The following ADTRP variants were observed in gnomAD, a reference collection of about 807,000 sequenced individuals.
ADTRP encodes androgen-dependent TFPI-regulating protein.
In ADTRP, 20 loss-of-function variants were observed where a neutral mutation model predicts 27.0. The ratio of observed to expected loss-of-function variants is 0.74; its 90% CI spans 0.52 to 1.08. ADTRP has a LOEUF of 1.08. ADTRP is among the 50% of genes least tolerant of loss of function. The probability of loss-of-function intolerance (pLI) is 0.00; values close to 1 mark genes in which losing one functional copy is unlikely to be tolerated. For synonymous variants in ADTRP, 101 were observed against 105.2 expected (o/e 0.96, Z 0.25); for missense variants, 251 against 275.0 (o/e 0.91, Z 0.62).
At chr6:11,716,944 T>C (rs889264271) in intron 5 of ADTRP, among the ~76,000 whole-genome samples, 1 of 150,760 alleles carries the variant, frequency 6.6e-6, no homozygotes, top group Non-Finnish European at 1.5e-5. Context: ...CAGGCTTCTC[T>C]TGAACTCCTG....
At chr6:11,769,997 C>G in intron 1 of ADTRP, 1 of 1,550,542 alleles carries the variant, frequency 6.4e-7, no homozygotes, top group Non-Finnish European at 8.7e-7. Context: ...TAGACTCCCC[C>G]GCCCACCACC....
At chr6:11,729,787 A>G (rs1183262061) in intron 4 of ADTRP, among the ~76,000 whole-genome samples, 1 of 152,232 alleles carries the variant, frequency 6.6e-6, no homozygotes, top group African/African-American at 2.4e-5. Context: ...AGACCTAGAT[A>G]TGGGATATTA....
rs1046253377 is a variant in ADTRP, at chr6:11,723,434, C to A, written c.573G>T (p.Leu191Phe). Reference protein sequence around the residue: ...VYPVFAKLSLLGLAAFFSLSY... With the variant: ...VYPVFAKLSLFGLAAFFSLSY... ...TGAGAGAGAAGAAAGCTGCTAGACC[C>A]AAGAGGCTGAGTTTGGCAAACACAG... The change falls in exon 5 of 6, where the codon TTG becomes TTT. Residue 191 changes from leucine (L) to phenylalanine (F), a missense_variant. Physicochemically the swap from Leu to Phe is conservative, Grantham distance 22. Transcript: ENST00000414691. 1 of 1,614,076 alleles carries A rather than the reference C, an allele frequency of 6.2e-7. No homozygotes were observed. The highest frequency in any genetic ancestry group is 1.1e-5 in the South Asian group (1 of 91,072).
At chr6:11,774,780 G>A (rs1763899291) in intron 1 of ADTRP, among the ~76,000 whole-genome samples, 1 of 152,216 alleles carries the variant, frequency 6.6e-6, no homozygotes, top group Admixed American at 6.5e-5. Flanking sequence ...GCCAAGCTGT[G>A]GCTGCTGAGC....
intron 3 of ADTRP, among the ~76,000 whole-genome samples, chr6:11,760,106 C>A (rs545859144): frequency 4.6e-5 from 7 of 152,180 alleles, no homozygotes; most frequent in Non-Finnish European, 1.5e-5. Flanking sequence ...TGTTCAGTTA[C>A]GAAATTTGCA....
At chr6:11,768,594 G>A (rs539545516) in intron 1 of ADTRP, among the ~76,000 whole-genome samples, 1 of 152,138 alleles carries the variant, frequency 6.6e-6, no homozygotes, top group South Asian at 2.1e-4. Flanking sequence ...AATTTGTTTA[G>A]GGGACAATAA....
intron 5 of ADTRP, among the ~76,000 whole-genome samples, chr6:11,719,391 C>T (rs558450377): frequency 1.2e-4 from 18 of 152,274 alleles, no homozygotes; most frequent in Middle Eastern, 3.4e-3. Context: ...ACAGCGGTTC[C>T]GGATCCCGAT....
At chr6:11,756,585 A>C (rs1329992269) in intron 3 of ADTRP, among the ~76,000 whole-genome samples, 2 of 152,228 alleles carry the variant, frequency 1.3e-5, no homozygotes, top group Non-Finnish European at 2.9e-5. Context: ...AAAAAGTTTA[A>C]TTAACAGTGA....
intron 1 of ADTRP, among the ~76,000 whole-genome samples, chr6:11,770,854 G>T (rs1763749139): frequency 6.6e-6 from 1 of 152,192 alleles, no homozygotes; most frequent in South Asian, 2.1e-4. Context: ...AGGCCAGGCT[G>T]CTGCTGTAGT....
chr6:11,744,080 G>T (rs1762795165), intron 3 of ADTRP, among the ~76,000 whole-genome samples: 1 of 152,194 alleles, frequency 6.6e-6, no homozygotes. Flanking sequence ...GAACAGCTTG[G>T]TGTGTTTGAG....
chr6:11,722,981 C>G (rs1561741329), intron 5 of ADTRP, among the ~76,000 whole-genome samples: 1 of 152,166 alleles, frequency 6.6e-6, no homozygotes, highest in African/African-American at 2.4e-5. Context: ...AGCTTGTGTC[C>G]CTGGAGCCCT....
intron 5 of ADTRP, among the ~76,000 whole-genome samples, chr6:11,719,592 T>G (rs930143987): frequency 6.6e-6 from 1 of 152,190 alleles, no homozygotes; most frequent in African/African-American, 2.4e-5. Flanking sequence ...GAATGGGTCT[T>G]GACTGATACT....
chr6:11,765,386 G>T (rs1763536031), intron 3 of ADTRP, among the ~76,000 whole-genome samples: 1 of 131,158 alleles, frequency 7.6e-6, no homozygotes, highest in Non-Finnish European at 1.6e-5. Context: ...GAAGTGCAAT[G>T]GTGCGATCTT....
chr6:11,758,972 C>T (rs1006668313), intron 3 of ADTRP, among the ~76,000 whole-genome samples: 1 of 152,178 alleles, frequency 6.6e-6, no homozygotes, highest in Non-Finnish European at 1.5e-5. Flanking sequence ...TCAACTTGCC[C>T]TGCTCATGTT....
intron 4 of ADTRP, among the ~76,000 whole-genome samples, chr6:11,729,238 C>A (rs1561745974): frequency 6.6e-6 from 1 of 152,058 alleles, no homozygotes; most frequent in Non-Finnish European, 1.5e-5. Flanking sequence ...GAGAATAAAT[C>A]AAACAGAAAG....
intron 4 of ADTRP, among the ~76,000 whole-genome samples, chr6:11,724,945 CT>C (rs1264318991): frequency 6.6e-6 from 1 of 152,226 alleles, no homozygotes; most frequent in East Asian, 1.9e-4. Flanking sequence ...CTGCTGATCT[CT>C]TGTAGCAATT....
At chr6:11,744,663 C>T (rs1301624095) in intron 3 of ADTRP, among the ~76,000 whole-genome samples, 2 of 152,202 alleles carry the variant, frequency 1.3e-5, no homozygotes, top group African/African-American at 2.4e-5. Flanking sequence ...CTGTAATTCA[C>T]CCTCCTCCAT....
At chr6:11,735,464 TA>T in intron 4 of ADTRP, 103 bp downstream of exon 4, 2 of 782,296 alleles carry the variant, frequency 2.6e-6, no homozygotes, top group Non-Finnish European at 2.1e-6. Flanking sequence ...AAATCCTTAT[TA>T]AACCAAGATA....
rs1266881292 is a variant in ADTRP at position 11,713,655 on chromosome 6, T to C, written c.*823A>G. On this transcript the variant is annotated 3_prime_UTR_variant, in exon 6 of 6. Coordinates refer to ENST00000414691, the MANE Select transcript of ADTRP (RefSeq NM_032744.4). ...ATAATTCTATCACTTCCCATCCAGATTCTTCTGCAAGCAAAATTTATTACT... is the reference window on the plus strand; with the variant it reads ...ATAATTCTATCACTTCCCATCCAGACTCTTCTGCAAGCAAAATTTATTACT... 6.6e-6 allele frequency: 1 copy of C among 152,240 alleles called. No homozygotes were observed. Among genetic ancestry groups the C allele is most frequent in the East Asian group, 1.9e-4 (1 of 5,204 alleles). The allele number at this position is 152,240 out of a possible 1,614,324, so 9.4% of individuals were successfully genotyped here.
Sources: allele counts gnomAD v4.1 joint callset (sites outside exome capture counted in the v4.1 genomes callset), GRCh38; gene constraint gnomAD v4.1.1; transcripts MANE v1.5; gene names NCBI Gene and HGNC (gene_info 2026-07-23, HGNC 2026-07-21).